The following GBF1 variants were observed in gnomAD, a reference collection of about 807,000 sequenced individuals.
GBF1 encodes the protein Golgi-specific brefeldin A-resistance guanine nucleotide exchange factor 1.
GBF1 carries 114 observed loss-of-function variants against 210.5 expected under a neutral mutation model. That is an observed-to-expected ratio of 0.54 (90% CI 0.47 to 0.63). GBF1 has a LOEUF of 0.63. Ranked by LOEUF, GBF1 falls within the 30% of genes least tolerant of loss-of-function variation. The pLI is 0.00. For missense variants in GBF1, 1,851 were observed against 2,357.7 expected, an observed-to-expected ratio of 0.79 and a Z score of 4.45; for synonymous variants, 850 against 889.2, an observed-to-expected ratio of 0.96 and a Z score of 0.78.
At position 102,366,978 on chromosome 10, in the gene GBF1, T is replaced by C; in HGVS notation, c.2434-107T>C. 7.9e-7 allele frequency: 1 copy of C among 1,258,494 alleles called. No homozygotes were observed. Among genetic ancestry groups the C allele is most frequent in the Non-Finnish European group, 1.1e-6 (1 of 893,542 alleles). The allele number at this position is 1,258,494 out of a possible 1,614,324, so 78.0% of individuals were successfully genotyped here. On this transcript the variant is annotated intron_variant, in intron 19 of 39. Coordinates refer to ENST00000369983, the MANE Select transcript of GBF1 (RefSeq NM_001377137.1). The surrounding 1 kb of genome is among the most constrained non-coding windows in gnomAD (Gnocchi z 4.0). The stretch of plus-strand genomic sequence containing the variant: ...GGAGTTGGCAAGAGACTGGCCACTT[T>C]CTGGATGGTACCTCTCCTCTGTACT...
At chr10:102,300,552 G>C (rs187319563) in intron 3 of GBF1, among the ~76,000 whole-genome samples, 2 of 152,256 alleles carry the variant, frequency 1.3e-5, no homozygotes, top group Admixed American at 1.3e-4. Flanking sequence ...ATGGTAAAAA[G>C]GATTCTGACC....
chr10:102,364,422 C>T (rs1460995600), intron 17 of GBF1, among the ~76,000 whole-genome samples: 1 of 145,938 alleles, frequency 6.9e-6, no homozygotes, highest in Non-Finnish European at 1.5e-5. Context: ...GACGGGGTTT[C>T]ACCGTGTTAG....
intron 22 of GBF1, 32 bp from the exon 23 acceptor site, chr10:102,368,707 C>A: frequency 6.6e-7 from 1 of 1,508,842 alleles, no homozygotes; most frequent in Non-Finnish European, 9.2e-7. Flanking sequence ...CTTCCAGTGA[C>A]TCTGTTTCTG....
At chr10:102,361,189 C>T in intron 13 of GBF1, 69 bp downstream of exon 13, 1 of 836,556 alleles carries the variant, frequency 1.2e-6, no homozygotes, top group Non-Finnish European at 2.1e-6. Context: ...TTCAGTGGGG[C>T]CAGCTCTATC....
At chr10:102,245,434 T>C (rs1343147996), upstream of GBF1, 1 of 152,216 alleles carries the variant, frequency 6.6e-6, no homozygotes, top group African/African-American at 2.4e-5. Context: ...CTTTATTCGA[T>C]TGGATAGTCG....
intron 1 of GBF1, among the ~76,000 whole-genome samples, chr10:102,246,371 G>T (rs1230863120): frequency 6.6e-6 from 1 of 152,186 alleles, no homozygotes; most frequent in African/African-American, 2.4e-5. Flanking sequence ...CAGCTCAGCT[G>T]CCAGTCTGGG....
At chr10:102,367,417 G>T in intron 20 of GBF1, 61 bp from the exon 21 acceptor site, 1 of 1,209,078 alleles carries the variant, frequency 8.3e-7, no homozygotes, top group Non-Finnish European at 1.2e-6. Context: ...AAACCCAGGA[G>T]TTCCTTAGGT....
At chr10:102,245,986 G>A (rs775416615) in intron 1 of GBF1, among the ~76,000 whole-genome samples, 3 of 152,190 alleles carry the variant, frequency 2.0e-5, no homozygotes, top group Non-Finnish European at 4.4e-5. Flanking sequence ...CGCAGGAGGG[G>A]CGATTTCTGC....
At chr10:102,380,784 G>T in intron 38 of GBF1, 98 bp downstream of exon 38, 1 of 1,003,298 alleles carries the variant, frequency 1.0e-6, no homozygotes, top group Non-Finnish European at 1.5e-6. Flanking sequence ...GAGGTGGGTG[G>T]ATCACCCGAG....
In GBF1 at chr10:102,366,581, TC is replaced by T; in HGVS notation, c.2433+76del. 1 of 1,049,202 alleles carries T rather than the reference TC, an allele frequency of 9.5e-7. No individual in the cohort carries two copies. 65.0% of individuals were successfully genotyped at this position (1,049,202 alleles called of 1,614,324 possible). On this transcript the variant is annotated intron_variant, in intron 19 of 39. Transcript: ENST00000369983. The surrounding 1 kb of genome is among the most constrained non-coding windows in gnomAD (Gnocchi z 4.0). ...TGAGGGCTGAAGAATCCAGCTGCTG[TC>T]TCTTTTTTTTTTTTTTTTTTTTGAG...
At chr10:102,300,431 G>A (rs2077244178) in intron 3 of GBF1, among the ~76,000 whole-genome samples, 1 of 152,202 alleles carries the variant, frequency 6.6e-6, no homozygotes, top group Non-Finnish European at 1.5e-5. Flanking sequence ...TGGCATTGTA[G>A]TTACACTAGC....
At chr10:102,339,174 C>G (rs778628657) in intron 3 of GBF1, among the ~76,000 whole-genome samples, 3 of 152,120 alleles carry the variant, frequency 2.0e-5, no homozygotes, top group Non-Finnish European at 4.4e-5. Flanking sequence ...ACCAGCCTGG[C>G]CAACATGGCA....
intron 3 of GBF1, among the ~76,000 whole-genome samples, chr10:102,337,295 G>GTGAACCCA (rs112989591): frequency 2.0e-5 from 3 of 150,356 alleles, no homozygotes; most frequent in South Asian, 2.1e-4. Flanking sequence ...GAAGAATGGT[G>GTGAACCCA]CGTGGGGGAG....
chr10:102,320,163 A>G (rs771084613), intron 3 of GBF1, among the ~76,000 whole-genome samples: 1 of 152,110 alleles, frequency 6.6e-6, no homozygotes, highest in Non-Finnish European at 1.5e-5. Flanking sequence ...TTTTTATTCT[A>G]TACTGACACT....
At chr10:102,231,132 C>T in the GBF1 span, 4 of 1,489,492 alleles carry the variant, frequency 2.7e-6, no homozygotes, top group Non-Finnish European at 3.5e-6. Context: ...CGGTCAGGGC[C>T]CGGGGCCGGG....
intron 3 of GBF1, among the ~76,000 whole-genome samples, chr10:102,306,611 A>G (rs2077901745): frequency 6.6e-6 from 1 of 152,004 alleles, no homozygotes; most frequent in Admixed American, 6.6e-5. Flanking sequence ...TTTAGTAGAG[A>G]CGGGGTTTTG....
Position 102,281,806 on chromosome 10 carries a change from G to A in GBF1, c.163+21690G>A, listed in dbSNP as rs376805565. Among the ~76,000 whole-genome samples, 17 of 151,732 alleles carry A rather than the reference G, an allele frequency of 1.1e-4. No homozygotes were observed. In the East Asian group the frequency reaches 2.5e-3, roughly 22 times the overall value. On this transcript the variant is annotated intron_variant, in intron 3 of 39. Transcript: ENST00000369983. The stretch of plus-strand genomic sequence containing the variant: ...GATTTCATTAGGTTTTTACTTAATG[G>A]CCTTTTTCTGTTCAAGGATTCCATC...
intron 3 of GBF1, among the ~76,000 whole-genome samples, chr10:102,280,132 G>A (rs79496952): frequency 2.7e-5 from 4 of 146,038 alleles, no homozygotes; most frequent in African/African-American, 5.1e-5. Flanking sequence ...TAAAAAAAAA[G>A]AGAGAGAGAG....
chr10:102,380,705 C>A lies in GBF1; in HGVS notation c.5173+19C>A. ...ATCCAGGGTAGGGGGCTCAGCCCAG[C>A]TTTATCAAAAAGAGTCTCCTGCCTG... On this transcript the variant is annotated intron_variant, in intron 38 of 39. Transcript: ENST00000369983. 1 of 1,578,480 alleles carries A rather than the reference C, an allele frequency of 6.3e-7. No individual in the cohort carries two copies. The highest frequency in any genetic ancestry group is 8.6e-7 in the Non-Finnish European group (1 of 1,159,892).
Sources: gnomAD v4.1 joint callset for allele counts (sites outside exome capture counted in the v4.1 genomes callset) on GRCh38, gnomAD v4.1.1 for gene constraint, Gnocchi (gnomAD v3.1) non-coding constraint, MANE v1.5 for transcripts, NCBI Gene and HGNC (gene_info 2026-07-23, HGNC 2026-07-21) for gene names.